The following OPCML variants were observed in gnomAD, a reference collection of about 807,000 sequenced individuals.
OPCML encodes opioid-binding protein/cell adhesion molecule.
In OPCML, 13 loss-of-function variants were observed where a neutral mutation model predicts 37.8. That is an observed-to-expected ratio of 0.34 (90% CI 0.22 to 0.55). The LOEUF (loss-of-function observed/expected upper bound fraction) is 0.55, where lower values mean the gene tolerates loss of function less well. Among genes scored for constraint, OPCML ranks in the 20% least tolerant of loss-of-function variants. The probability of loss-of-function intolerance (pLI) is 0.91; values close to 1 mark genes in which losing one functional copy is unlikely to be tolerated. For missense variants in OPCML, 341 were observed against 435.6 expected (o/e 0.78, Z 1.93); for synonymous variants, 176 against 168.8 (o/e 1.04, Z -0.33).
In OPCML at chr11:133,415,354, G is replaced by A. The variant is rs375779177; in HGVS notation, c.61+116910C>T. 4.5e-4 allele frequency among the ~76,000 whole-genome samples: 68 copies of A among 151,846 alleles called. 3 individuals carry two copies. The highest frequency in any genetic ancestry group is 1.6e-3 in the African/African-American group (66 of 41,342). On this transcript the variant is annotated intron_variant, in intron 1 of 7. Coordinates refer to ENST00000524381, the MANE Select transcript of OPCML (RefSeq NM_001012393.5). ...GAACCCAGGAGGCAGAACTTGCAGT[G>A]AGCCGAGATAGTGCCACCGCACTCC...
At chr11:133,097,484 T>C (rs1168206823) in intron 1 of OPCML, among the ~76,000 whole-genome samples, 19 of 151,336 alleles carry the variant, frequency 1.3e-4, no homozygotes, top group Non-Finnish European at 1.5e-5. Flanking sequence ...GGAAGCTAAA[T>C]CAAAAGTAAG....
chr11:132,630,789 C>T lies in OPCML; in HGVS notation c.379+26298G>A, dbSNP rs566716460. On this transcript the variant is annotated intron_variant, in intron 3 of 7. Coordinates refer to ENST00000524381, the MANE Select transcript of OPCML (RefSeq NM_001012393.5). ...TACTCCTTAGTATAAGAAATAGGAA[C>T]GATGTCCACAAAAAGATTGGCACAA... Among the ~76,000 whole-genome samples the T allele has an allele frequency of 9.2e-5, 14 of 152,244 alleles. No individual in the cohort carries two copies. In the East Asian group the frequency reaches 1.4e-3, roughly 15 times the overall value.
At chr11:133,353,450 G>A (rs1051682354) in intron 1 of OPCML, among the ~76,000 whole-genome samples, 2 of 152,046 alleles carry the variant, frequency 1.3e-5, no homozygotes, top group Non-Finnish European at 2.9e-5. Context: ...ATGAGCCACC[G>A]TGACCAGCCT....
intron 1 of OPCML, among the ~76,000 whole-genome samples, chr11:133,443,342 G>A (rs559647324): frequency 1.3e-5 from 2 of 152,346 alleles, no homozygotes; most frequent in East Asian, 3.9e-4. Flanking sequence ...ATTTCACTGA[G>A]ATCTGCTGGC....
chr11:132,816,999 G>A (rs764728594), intron 2 of OPCML: 4 of 152,210 alleles, frequency 2.6e-5, no homozygotes, highest in Non-Finnish European at 5.9e-5. Context: ...TCCCAATAAA[G>A]GGAATAAGAC....
chr11:132,432,203 A>G (rs2136709784), intron 7 of OPCML, among the ~76,000 whole-genome samples: 1 of 152,326 alleles, frequency 6.6e-6, no homozygotes, highest in Middle Eastern at 3.4e-3. Context: ...GGATAAATAT[A>G]GTACTTACTT....
rs557671167 is a variant in OPCML at position 133,205,681 on chromosome 11, G to A, written c.62-262671C>T. Among the ~76,000 whole-genome samples the A allele has an allele frequency of 1.2e-4, 18 of 152,354 alleles. No individual in the cohort carries two copies. The highest frequency in any genetic ancestry group is 4.1e-4 in the African/African-American group (17 of 41,586). On this transcript the variant is annotated intron_variant, in intron 1 of 7. Transcript: ENST00000524381. This position sits in a 1 kb window ranked among gnomAD's most constrained non-coding sequence, Gnocchi z 4.8. Reference sequence around the variant, plus strand: ...ATGTCAGAAGTGTTGCGTTGCGTGAGACAAGAGAGTAGGAAAAACATTTAG... The same window carrying A: ...ATGTCAGAAGTGTTGCGTTGCGTGAAACAAGAGAGTAGGAAAAACATTTAG...
intron 1 of OPCML, among the ~76,000 whole-genome samples, chr11:133,411,324 C>G (rs558369114): frequency 3.9e-5 from 6 of 152,314 alleles, no homozygotes; most frequent in African/African-American, 1.4e-4. Flanking sequence ...TTTTCCACAT[C>G]TGAGTTTTTG....
At chr11:133,277,393 A>G (rs1479201978) in intron 1 of OPCML, among the ~76,000 whole-genome samples, 1 of 152,152 alleles carries the variant, frequency 6.6e-6, no homozygotes, top group Non-Finnish European at 1.5e-5. Context: ...AGGTGTAAAA[A>G]AAAAACACCC....
chr11:132,656,854 G>A (rs1026121772), intron 3 of OPCML, among the ~76,000 whole-genome samples: 16 of 152,292 alleles, frequency 1.1e-4, no homozygotes, highest in Middle Eastern at 3.4e-3. Context: ...GTTACACAAC[G>A]TATTGATGAG....
At chr11:133,482,011 T>G (rs1375362464) in intron 1 of OPCML, among the ~76,000 whole-genome samples, 2 of 151,904 alleles carry the variant, frequency 1.3e-5, no homozygotes, top group Non-Finnish European at 2.9e-5. Flanking sequence ...AGTGGTGCAG[T>G]CTCCATAAAG....
rs553616160 is a variant in OPCML at position 132,522,961 on chromosome 11, A to G, written c.505+6100T>C. 2.6e-5 allele frequency among the ~76,000 whole-genome samples: 4 copies of G among 152,340 alleles called. No individual in the cohort carries two copies. The South Asian group carries it at 8.3e-4, about 32-fold the overall frequency. On this transcript the variant is annotated intron_variant, in intron 4 of 7. Coordinates refer to ENST00000524381, the MANE Select transcript of OPCML (RefSeq NM_001012393.5). ...ATCAGTACTTTTTTGTTTGAGACAG[A>G]GTTTCGCTTTTATCACCCGGGTTGC...
rs910424112 is a variant in OPCML at position 133,211,244 on chromosome 11, T to C, written c.62-268234A>G. On this transcript the variant is annotated intron_variant, in intron 1 of 7. Coordinates refer to ENST00000524381, the MANE Select transcript of OPCML (RefSeq NM_001012393.5). This position sits in a 1 kb window ranked among gnomAD's most constrained non-coding sequence, Gnocchi z 4.1. ...TGATGGTTTCCTGGGTCCCAGTGAG[T>C]GAGGTGGTGGACATTTGTTATTTTT... 5.3e-5 allele frequency among the ~76,000 whole-genome samples: 8 copies of C among 152,114 alleles called. No homozygotes were observed.
chr11:133,147,871 G>A (rs763700211), intron 1 of OPCML, among the ~76,000 whole-genome samples: 3 of 152,120 alleles, frequency 2.0e-5, no homozygotes, highest in Admixed American at 6.5e-5. Context: ...CTGCAAAGAC[G>A]GAATGATGAT....
At chr11:133,438,938 G>A (rs1408261039) in intron 1 of OPCML, among the ~76,000 whole-genome samples, 1 of 152,144 alleles carries the variant, frequency 6.6e-6, no homozygotes, top group African/African-American at 2.4e-5. Context: ...GAGAGGGCAT[G>A]GAGGCTCCAT....
chr11:132,441,165 G>GTTTTTTGTTTTTTTTTTTT (rs2096031891), intron 4 of OPCML, among the ~76,000 whole-genome samples: 3 of 72,398 alleles, frequency 4.1e-5, no homozygotes, highest in African/African-American at 3.3e-4. Context: ...GGACTTTTTT[G>GTTTTTTGTTTTTTTTTTTT]TTTTTTTTTT....
At chr11:133,488,320 C>T (rs1377718262) in intron 1 of OPCML, among the ~76,000 whole-genome samples, 4 of 152,092 alleles carry the variant, frequency 2.6e-5, no homozygotes, top group African/African-American at 9.7e-5. Flanking sequence ...GAAGAAGTCA[C>T]ATTATCCTTG....
chr11:133,240,408 T>A (rs1244418707), intron 1 of OPCML, among the ~76,000 whole-genome samples: 1 of 152,096 alleles, frequency 6.6e-6, no homozygotes, highest in African/African-American at 2.4e-5. Flanking sequence ...AAAGAGTAGA[T>A]TACAAATCCT....
At chr11:132,752,835 C>T (rs1465193812) in intron 2 of OPCML, among the ~76,000 whole-genome samples, 1 of 152,078 alleles carries the variant, frequency 6.6e-6, no homozygotes, top group African/African-American at 2.4e-5. Flanking sequence ...CTGATAAGCG[C>T]CTGAGGAATT....
Sources: gnomAD v4.1 joint callset for allele counts (sites outside exome capture counted in the v4.1 genomes callset) on GRCh38, gnomAD v4.1.1 for gene constraint, Gnocchi (gnomAD v3.1) non-coding constraint, MANE v1.5 for transcripts, NCBI Gene and HGNC (gene_info 2026-07-23, HGNC 2026-07-21) for gene names.